The following MALRD1 variants were observed in gnomAD, a reference collection of about 807,000 sequenced individuals.
The protein encoded by MALRD1 is MAM and LDL receptor class A domain containing 1.
A neutral mutation model predicts 242.1 loss-of-function variants in MALRD1; 247 were observed. The observed-to-expected ratio is 1.02, with a 90% CI of 0.92 to 1.13. The LOEUF (loss-of-function observed/expected upper bound fraction) is 1.13. Among genes scored for constraint, MALRD1 ranks in the 50% most tolerant of loss-of-function variants. MALRD1 has a pLI of 0.00. For synonymous variants in MALRD1, 995 were observed against 866.6 expected (o/e 1.15, Z -2.60); for missense variants, 2,989 against 2,533.1 (o/e 1.18, Z -3.86).
chr10:19,586,769 T>G (rs943510449), intron 33 of MALRD1, among the ~76,000 whole-genome samples: 1 of 152,244 alleles, frequency 6.6e-6, no homozygotes, highest in African/African-American at 2.4e-5. Flanking sequence ...TCCAGCTTCC[T>G]GGCTGCTTTG....
At chr10:19,500,194 C>G (rs1374891239) in intron 31 of MALRD1, among the ~76,000 whole-genome samples, 2 of 152,138 alleles carry the variant, frequency 1.3e-5, no homozygotes, top group African/African-American at 4.8e-5. Flanking sequence ...CTTTTTATGT[C>G]TGGTAGAATT....
chr10:19,411,903 A>G (rs529448524), intron 28 of MALRD1, among the ~76,000 whole-genome samples: 2 of 152,244 alleles, frequency 1.3e-5, no homozygotes, highest in Admixed American at 6.5e-5. Flanking sequence ...CTGTTAAAAA[A>G]TTAAAGTATA....
Position 19,567,693 on chromosome 10 carries a change from T to A in MALRD1, c.5670T>A (p.Cys1890Ter), listed in dbSNP as rs781122479. 2 of 1,550,360 alleles carry A rather than the reference T, an allele frequency of 1.3e-6. No individual in the cohort carries two copies. Among genetic ancestry groups the A allele is most frequent in the South Asian group, 2.4e-5 (2 of 84,044 alleles). ...ALDDISFTPE[C>*]VTGGPVPVQP... Reference sequence around the variant, plus strand: ...ATGACATCTCTTTTACCCCAGAGTGTGTGACTGGAGGTAAGTGATTCTTTC... The same window carrying A: ...ATGACATCTCTTTTACCCCAGAGTGAGTGACTGGAGGTAAGTGATTCTTTC... Residue 1890 changes from cysteine (C) to a stop codon, truncating the protein, a stop_gained, in exon 33 of 40, where the codon TGT becomes TGA. Coordinates refer to ENST00000454679, the MANE Select transcript of MALRD1 (RefSeq NM_001142308.3). LOFTEE classifies it high-confidence loss of function.
At chr10:19,525,119 T>C (rs34728018) in intron 31 of MALRD1, among the ~76,000 whole-genome samples, 10 of 151,742 alleles carry the variant, frequency 6.6e-5, no homozygotes, top group Non-Finnish European at 1.0e-4. Flanking sequence ...TTCCCTATGT[T>C]GGTCAGGCTG....
chr10:19,239,306 C>T (rs371355653), intron 18 of MALRD1, among the ~76,000 whole-genome samples: 14 of 152,124 alleles, frequency 9.2e-5, no homozygotes, highest in African/African-American at 2.2e-4. Flanking sequence ...GCAATCCACC[C>T]GCCTCAGCCT....
rs779919449 is a variant in MALRD1, at chr10:19,375,982, C to T, written c.4442-11546C>T. On this transcript the variant is annotated intron_variant, in intron 26 of 39. Transcript: ENST00000454679. Reference sequence around the variant, plus strand: ...ACTAAAAATACAAAAATTTGCTGGGCGTGGTGATGCACACCTGTAGTCCCA... The same window carrying T: ...ACTAAAAATACAAAAATTTGCTGGGTGTGGTGATGCACACCTGTAGTCCCA... Among the ~76,000 whole-genome samples, 10 of 152,150 alleles carry T rather than the reference C, an allele frequency of 6.6e-5. 1 individual carries two copies. The highest frequency in any genetic ancestry group is 1.9e-4 in the East Asian group (1 of 5,142).
chr10:19,327,789 T>C, intron 23 of MALRD1, 116 bp downstream of exon 23: 3 of 789,908 alleles, frequency 3.8e-6, no homozygotes, highest in Non-Finnish European at 4.1e-6. Context: ...ATGTGTTCTG[T>C]GGATGCGTGG....
intron 36 of MALRD1, among the ~76,000 whole-genome samples, chr10:19,649,997 G>A (rs1435814857): frequency 6.6e-6 from 1 of 152,066 alleles, no homozygotes; most frequent in African/African-American, 2.4e-5. Flanking sequence ...TTTCCCCATT[G>A]CTTGTTTTTG....
At chr10:19,619,524 C>A (rs1167892429) in intron 36 of MALRD1, among the ~76,000 whole-genome samples, 5 of 151,896 alleles carry the variant, frequency 3.3e-5, no homozygotes, top group Non-Finnish European at 7.4e-5. Flanking sequence ...ATTGAAAAAA[C>A]ATAAAATATG....
intron 36 of MALRD1, among the ~76,000 whole-genome samples, chr10:19,634,909 G>A (rs1220674189): frequency 6.6e-6 from 1 of 152,108 alleles, no homozygotes; most frequent in African/African-American, 2.4e-5. Flanking sequence ...GTGAAATAGA[G>A]GTTCACCAGA....
At chr10:19,130,753 G>T (rs1415779838) in intron 8 of MALRD1, among the ~76,000 whole-genome samples, 1 of 152,088 alleles carries the variant, frequency 6.6e-6, no homozygotes, top group Non-Finnish European at 1.5e-5. Context: ...AATTATGAAT[G>T]TATATAGATT....
In MALRD1 at chr10:19,397,664, T is replaced by A. The variant is rs572941620; in HGVS notation, c.4845+8055T>A. Among the ~76,000 whole-genome samples, 11 of 152,274 alleles carry A rather than the reference T, an allele frequency of 7.2e-5. No homozygotes were observed. The South Asian group carries it at 8.3e-4, about 11-fold the overall frequency. On this transcript the variant is annotated intron_variant, in intron 28 of 39. Transcript: ENST00000454679. ...ATTTTTTTTTGAGGAACCGACATAC[T>A]GTTTTCATAATGGCTGTACTAATTT...
intron 14 of MALRD1, among the ~76,000 whole-genome samples, chr10:19,198,501 A>G (rs894429911): frequency 3.3e-5 from 5 of 152,182 alleles, no homozygotes; most frequent in African/African-American, 1.2e-4. Context: ...TCTACAGGAT[A>G]ATAACTTGCC....
intron 38 of MALRD1, among the ~76,000 whole-genome samples, chr10:19,727,809 A>T (rs989208997): frequency 6.6e-6 from 1 of 151,238 alleles, no homozygotes; most frequent in South Asian, 2.1e-4. Context: ...TCATTACACC[A>T]TTGAGTTTCA....
chr10:19,085,337 A>C (rs1311664506), intron 2 of MALRD1, among the ~76,000 whole-genome samples: 1 of 151,982 alleles, frequency 6.6e-6, no homozygotes, highest in Non-Finnish European at 1.5e-5. Flanking sequence ...GAACATCTCC[A>C]TCTGTGAATT....
chr10:19,259,957 G>A (rs1033084661), intron 19 of MALRD1, among the ~76,000 whole-genome samples: 11 of 152,034 alleles, frequency 7.2e-5, no homozygotes, highest in African/African-American at 2.4e-4. Context: ...CATGAGAGCA[G>A]GTATATCACC....
chr10:19,202,792 CT>C (rs961293842), intron 14 of MALRD1, among the ~76,000 whole-genome samples: 9 of 151,286 alleles, frequency 5.9e-5, no homozygotes, highest in African/African-American at 1.2e-4. Flanking sequence ...TTTTGCTTTA[CT>C]TTTTTTTTCA....
chr10:19,557,206 A>G (rs1232848318), intron 32 of MALRD1, among the ~76,000 whole-genome samples: 1 of 152,026 alleles, frequency 6.6e-6, no homozygotes, highest in East Asian at 1.9e-4. Context: ...CTTATCAGAT[A>G]TGTGTTTTAG....
At chr10:19,177,600 A>G (rs374112080) in intron 14 of MALRD1, among the ~76,000 whole-genome samples, 1 of 152,204 alleles carries the variant, frequency 6.6e-6, no homozygotes, top group Non-Finnish European at 1.5e-5. Flanking sequence ...AGGAGCCTTC[A>G]GAAATGAAGA....
Sources: gnomAD v4.1 joint callset for allele counts (sites outside exome capture counted in the v4.1 genomes callset) on GRCh38, gnomAD v4.1.1 for gene constraint, MANE v1.5 for transcripts, NCBI Gene and HGNC (gene_info 2026-07-23, HGNC 2026-07-21) for gene names.